The following TMEM39B variants were observed in gnomAD, a reference collection of about 807,000 sequenced individuals.
The protein encoded by TMEM39B is transmembrane protein 39B.
Under a neutral mutation model 52.2 loss-of-function variants are expected in TMEM39B, and 23 were observed. That is an observed-to-expected ratio of 0.44 (90% CI 0.32 to 0.62). TMEM39B has a LOEUF of 0.62. TMEM39B is among the 20% of genes least tolerant of loss of function. The pLI is 0.06. For missense variants in TMEM39B, 547 were observed against 642.0 expected (o/e 0.85, Z 1.60); for synonymous variants, 285 against 264.0 (o/e 1.08, Z -0.77).
intron 5 of TMEM39B, 55 bp downstream of exon 5, chr1:32,077,373 C>A: frequency 1.3e-6 from 2 of 1,598,278 alleles, no homozygotes; most frequent in Non-Finnish European, 1.7e-6. Context: ...CTGACCTCTG[C>A]CCTGACCGTA....
At chr1:32,095,064 C>G in intron 7 of TMEM39B, 93 bp downstream of exon 7, 1 of 1,413,186 alleles carries the variant, frequency 7.1e-7, no homozygotes, top group Non-Finnish European at 9.6e-7. Flanking sequence ...ATTTAGTTAG[C>G]AAATAGTTAT....
intron 5 of TMEM39B, 105 bp from the exon 6 acceptor site, chr1:32,091,570 C>T (rs1640603462): frequency 1.5e-6 from 2 of 1,321,330 alleles, no homozygotes; most frequent in Non-Finnish European, 2.1e-6. Flanking sequence ...CTCTGGGCAG[C>T]CAGGAGAGCT....
chr1:32,072,559 G>C (rs1231730251), upstream of TMEM39B: 1 of 159,576 alleles, frequency 6.3e-6, no homozygotes, highest in Non-Finnish European at 1.4e-5. Context: ...CCTGGATTTT[G>C]ACTGGGGTGG....
chr1:32,102,363 A>G, intron 8 of TMEM39B, 68 bp from the exon 9 acceptor site: 1 of 1,568,976 alleles, frequency 6.4e-7, no homozygotes, highest in Non-Finnish European at 8.7e-7. Flanking sequence ...TGGCCCACCC[A>G]GAACCCCCAT....
intron 8 of TMEM39B, among the ~76,000 whole-genome samples, chr1:32,101,675 G>A (rs1421336195): frequency 6.6e-6 from 1 of 152,146 alleles, no homozygotes; most frequent in Non-Finnish European, 1.5e-5. Context: ...CTTGACCAAA[G>A]TATTGCAGCC....
Position 32,091,845 on chromosome 1 carries a change from A to G in TMEM39B, c.761A>G (p.Tyr254Cys), listed in dbSNP as rs754063957. The G allele has an allele frequency of 3.0e-5, 49 of 1,614,100 alleles. No individual in the cohort carries two copies. Among genetic ancestry groups the G allele is most frequent in the East Asian group, 2.9e-4 (13 of 44,896 alleles). The change falls in exon 6 of 9, where the codon TAT becomes TGT. Residue 254 changes from tyrosine (Y) to cysteine (C), a missense_variant. Tyr to Cys is a radical substitution (Grantham distance 194). Transcript: ENST00000336294. Reference sequence around the variant, plus strand: ...TGGAAGCAGCACACAAGACAGCTGTATGGCCCGGACGCCATGCCCACCCAT... The same window carrying G: ...TGGAAGCAGCACACAAGACAGCTGTGTGGCCCGGACGCCATGCCCACCCAT... ...ETWKQHTRQL[Y>C]GPDAMPTHAC...
rs910382661 is a variant in TMEM39B, at chr1:32,075,046, G to A, written c.100G>A (p.Ala34Thr). The change falls in exon 2 of 9, where the codon GCA becomes ACA. Residue 34 changes from alanine to threonine, a missense_variant. Physicochemically the swap from Ala to Thr is moderately conservative, Grantham distance 58 (BLOSUM62 0). Transcript: ENST00000336294. ...GGSSGSHTSS[A>T]SVTSVRSRTR... Reference sequence around the variant, plus strand: ...CTCTAGTGGAAGCCACACTTCCAGTGCATCGGTGACCAGTGTTCGTTCCCG... The same window carrying A: ...CTCTAGTGGAAGCCACACTTCCAGTACATCGGTGACCAGTGTTCGTTCCCG... 1.4e-5 allele frequency: 21 copies of A among 1,551,374 alleles called. No individual in the cohort carries two copies. Among genetic ancestry groups the A allele is most frequent in the Non-Finnish European group, 1.7e-5 (20 of 1,146,916 alleles).
rs773348293 is a variant in TMEM39B at position 32,094,845 on chromosome 1, C to T, written c.989C>T (p.Thr330Ile). Residue 330 changes from threonine to isoleucine, a missense_variant, in exon 7 of 9, where the codon ACC becomes ATC. By Grantham distance (89) the Thr-to-Ile change is moderately conservative. Transcript: ENST00000336294. ...CTCTTCCTGCTGGTGTCCATCAGCA[C>T]CTCCGTGATCCTCATGCAGCACCTG... ...CELFLLVSIS[T>I]SVILMQHLLP... The T allele has an allele frequency of 6.2e-7, 1 of 1,614,230 alleles. No homozygotes were observed. The highest frequency in any genetic ancestry group is 8.5e-7 in the Non-Finnish European group (1 of 1,180,050).
rs530665776 is a variant in TMEM39B at position 32,082,964 on chromosome 1, C to T, written c.590+5646C>T. 3.2e-4 allele frequency among the ~76,000 whole-genome samples: 47 copies of T among 148,736 alleles called. 1 individual carries two copies. The highest frequency in any genetic ancestry group is 4.6e-4 in the Non-Finnish European group (31 of 67,174). On this transcript the variant is annotated intron_variant, in intron 5 of 8. Transcript: ENST00000336294. ...TAGTTTTTTGTATGTTTAGTAGAGA[C>T]GGGGTTTCACCGTGTTAGCCAGGAT...
chr1:32,074,360 C>G (rs1639764002), intron 1 of TMEM39B, among the ~76,000 whole-genome samples: 1 of 152,096 alleles, frequency 6.6e-6, no homozygotes, highest in African/African-American at 2.4e-5. Flanking sequence ...GAGCACACGA[C>G]CCAGCCACGA....
chr1:32,080,931 G>A (rs1640068308), intron 5 of TMEM39B, among the ~76,000 whole-genome samples: 1 of 152,092 alleles, frequency 6.6e-6, no homozygotes, highest in Non-Finnish European at 1.5e-5. Flanking sequence ...TTGGGAGGCT[G>A]AGGTGAGAAG....
chr1:32,092,117 A>T, intron 6 of TMEM39B, 106 bp downstream of exon 6: 2 of 1,051,670 alleles, frequency 1.9e-6, no homozygotes, highest in Non-Finnish European at 2.7e-6. Context: ...TTTTGATGTG[A>T]TTTCCCATCT....
At chr1:32,081,791 G>T (rs1640110173) in intron 5 of TMEM39B, among the ~76,000 whole-genome samples, 1 of 152,028 alleles carries the variant, frequency 6.6e-6, no homozygotes, top group African/African-American at 2.4e-5. Context: ...TGAATAAGAG[G>T]TTTACATAGT....
At chr1:32,080,696 A>C (rs902955693) in intron 5 of TMEM39B, among the ~76,000 whole-genome samples, 2 of 149,882 alleles carry the variant, frequency 1.3e-5, no homozygotes, top group African/African-American at 4.9e-5. Flanking sequence ...AAAAAAAAAG[A>C]GTTGCCTTAA....
chr1:32,074,864 A>G (rs945667527), intron 1 of TMEM39B, 87 bp from the exon 2 acceptor site: 11 of 1,433,328 alleles, frequency 7.7e-6, no homozygotes, highest in Non-Finnish European at 1.0e-5. Flanking sequence ...AAAGTGAGAT[A>G]CTAGGTGACT....
At chr1:32,091,255 T>G (rs147931163) in intron 5 of TMEM39B, among the ~76,000 whole-genome samples, 3 of 151,924 alleles carry the variant, frequency 2.0e-5, no homozygotes, top group Non-Finnish European at 4.4e-5. Flanking sequence ...CAAGGCTTCC[T>G]CAGCTGAAAA....
intron 4 of TMEM39B, 130 bp from the exon 5 acceptor site, chr1:32,077,034 C>G: frequency 7.2e-7 from 1 of 1,380,446 alleles, no homozygotes; most frequent in Non-Finnish European, 1.0e-6. Context: ...ATTTACCTTG[C>G]CAGGTTCTGC....
At chr1:32,097,763 G>T (rs1283177899) in intron 7 of TMEM39B, among the ~76,000 whole-genome samples, 1 of 152,050 alleles carries the variant, frequency 6.6e-6, no homozygotes, top group African/African-American at 2.4e-5. Flanking sequence ...TCCTGCGTCA[G>T]CCTCCTGAGT....
chr1:32,084,898 C>T (rs1640276618), intron 5 of TMEM39B, among the ~76,000 whole-genome samples: 1 of 151,486 alleles, frequency 6.6e-6, no homozygotes, highest in Middle Eastern at 3.4e-3. Flanking sequence ...AATTCACATT[C>T]TCAGAACTTT....
Sources: gnomAD v4.1 joint callset for allele counts (sites outside exome capture counted in the v4.1 genomes callset) on GRCh38, gnomAD v4.1.1 for gene constraint, MANE v1.5 for transcripts, NCBI Gene and HGNC (gene_info 2026-07-23, HGNC 2026-07-21) for gene names.